The following LUC7L variants were observed in gnomAD, a reference collection of about 807,000 sequenced individuals.
LUC7L encodes LUC7 like, also known as putative RNA-binding protein Luc7-like 1.
Under a neutral mutation model 51.1 loss-of-function variants are expected in LUC7L, and 29 were observed. That is an observed-to-expected ratio of 0.57 (90% confidence interval 0.42 to 0.77). LUC7L has a LOEUF of 0.77. LUC7L is among the 30% of genes least tolerant of loss of function. LUC7L has a pLI of 0.00. For synonymous variants in LUC7L, 181 were observed against 180.7 expected, an observed-to-expected ratio of 1.00 and a Z score of -0.01; for missense variants, 403 against 511.9, an observed-to-expected ratio of 0.79 and a Z score of 2.05.
intron 2 of LUC7L, among the ~76,000 whole-genome samples, chr16:223,704 C>CT (rs1246493419): frequency 6.6e-5 from 10 of 151,702 alleles, no homozygotes. Context: ...GAGTCTCACT[C>CT]TGTCGCCCAG....
At chr16:193,428 A>G (rs1315347753) in intron 6 of LUC7L, among the ~76,000 whole-genome samples, 1 of 152,022 alleles carries the variant, frequency 6.6e-6, no homozygotes, top group Non-Finnish European at 1.5e-5. Context: ...TACAGGCATG[A>G]GCCACCGCGC....
At chr16:225,748 G>A (rs2050114342) in intron 2 of LUC7L, among the ~76,000 whole-genome samples, 1 of 151,010 alleles carries the variant, frequency 6.6e-6, no homozygotes, top group African/African-American at 2.4e-5. Flanking sequence ...GCCTCCCAAA[G>A]TACTGGGATT....
At chr16:191,127 AACATT>A (rs2048999489) in intron 7 of LUC7L, among the ~76,000 whole-genome samples, 3 of 152,192 alleles carry the variant, frequency 2.0e-5, no homozygotes, top group African/African-American at 7.2e-5. Flanking sequence ...GCAGCCCTGT[AACATT>A]ACAAGGGCCG....
intron 3 of LUC7L, 35 bp downstream of exon 3, chr16:220,614 G>T: frequency 6.8e-7 from 1 of 1,461,922 alleles, no homozygotes; most frequent in South Asian, 1.2e-5. Flanking sequence ...TGGGTTCTTC[G>T]CAGTAGGAAT....
intron 3 of LUC7L, chr16:208,734 A>G: frequency 1.6e-6 from 1 of 624,694 alleles, no homozygotes; most frequent in Non-Finnish European, 2.0e-6. Context: ...CCTACTATCT[A>G]AAGTAGCAGG....
At chr16:205,911 A>G in intron 5 of LUC7L, 93 bp downstream of exon 5, 1 of 1,453,550 alleles carries the variant, frequency 6.9e-7, no homozygotes, top group Non-Finnish European at 9.3e-7. Context: ...ATTTTTTAAA[A>G]AATGGGAGCA....
intron 3 of LUC7L, among the ~76,000 whole-genome samples, chr16:218,346 C>CT (rs1401778866): frequency 3.3e-5 from 5 of 152,186 alleles, no homozygotes; most frequent in African/African-American, 1.2e-4. Flanking sequence ...AGAATGGCAT[C>CT]AAACCCCTCT....
intron 5 of LUC7L, among the ~76,000 whole-genome samples, chr16:200,513 T>C (rs112733581): frequency 3.8e-4 from 57 of 150,024 alleles, no homozygotes; most frequent in Non-Finnish European, 6.4e-4. Context: ...GAGGTGGAGG[T>C]TGCAGTGAGC....
intron 2 of LUC7L, among the ~76,000 whole-genome samples, chr16:221,639 T>C (rs2049972315): frequency 6.6e-6 from 1 of 151,132 alleles, no homozygotes; most frequent in African/African-American, 2.4e-5. Context: ...GGAGGTGGAG[T>C]TTGCAGTGAG....
Position 199,244 on chromosome 16 carries a change from G to T in LUC7L, c.511-6C>A. 6.3e-7 allele frequency: 1 copy of T among 1,580,108 alleles called. No individual in the cohort carries two copies. On this transcript the variant is annotated splice_polypyrimidine_tract_variant and splice_region_variant and intron_variant, in intron 5 of 9. Coordinates refer to ENST00000293872, the MANE Select transcript of LUC7L (RefSeq NM_201412.3). The stretch of plus-strand genomic sequence containing the variant: ...ATGGAATTTCTGTATTCTTCCTGAA[G>T]AAGGAAAATGGAGAAATAAAAGTGA...
chr16:199,272 T>C (rs2049251424), intron 5 of LUC7L, 34 bp from the exon 6 acceptor site: 1 of 1,383,978 alleles, frequency 7.2e-7, no homozygotes, highest in Non-Finnish European at 1.0e-6. Context: ...AAAAGTGAGG[T>C]ATATAGAACT....
chr16:208,998 A>G (rs2049562078), intron 3 of LUC7L: 1 of 151,716 alleles, frequency 6.6e-6, no homozygotes, highest in African/African-American at 2.4e-5. Context: ...GTTCAAGACC[A>G]GTCTAGCCAA....
At position 199,179 on chromosome 16, in the gene LUC7L, G is replaced by A. The variant is rs143314496; in HGVS notation, c.570C>T (p.Cys190=). 3.2e-4 allele frequency: 523 copies of A among 1,610,784 alleles called. No homozygotes were observed. Among genetic ancestry groups the A allele is most frequent in the Non-Finnish European group, 4.1e-4 (488 of 1,177,314 alleles). Residue 190 remains cysteine, a synonymous_variant, in exon 6 of 10, where the codon TGC becomes TGT. Transcript: ENST00000293872. ...SSFQQQKLRV[C]EVCSAYLGLH... is the part of the protein sequence containing the mutation. The stretch of plus-strand genomic sequence containing the variant: ...GACCAAGGTAGGCTGAACAGACCTC[G>A]CAGACACGCAGCTTTTGCTGCTGAA...
chr16:195,458 C>G (rs759720840), intron 6 of LUC7L, among the ~76,000 whole-genome samples: 1 of 152,060 alleles, frequency 6.6e-6, no homozygotes, highest in Non-Finnish European at 1.5e-5. Flanking sequence ...AAAAAATCCT[C>G]TGTTGTCTAG....
chr16:224,917 G>A (rs1269995216), intron 2 of LUC7L, among the ~76,000 whole-genome samples: 6 of 152,102 alleles, frequency 3.9e-5, no homozygotes, highest in Non-Finnish European at 7.4e-5. Flanking sequence ...TAAGCACACT[G>A]AGGATAGGCT....
chr16:205,861 T>C, intron 5 of LUC7L, 143 bp downstream of exon 5: 1 of 915,536 alleles, frequency 1.1e-6, no homozygotes, highest in Non-Finnish European at 1.7e-6. Context: ...AGTGCTGGGA[T>C]GACAGGCGTG....
chr16:229,208 G>A, intron 1 of LUC7L, 71 bp downstream of exon 1: 2 of 1,506,602 alleles, frequency 1.3e-6, no homozygotes, highest in Middle Eastern at 2.3e-4. Flanking sequence ...CGCGGCCCCC[G>A]CCTCAGGCCG....
rs963715741 is a variant in LUC7L at position 208,183 on chromosome 16, C to T, written c.261G>A (p.Met87Ile). The T allele has an allele frequency of 6.2e-7, 1 of 1,606,624 alleles. No individual in the cohort carries two copies. The highest frequency in any genetic ancestry group is 1.3e-5 in the African/African-American group (1 of 74,870). The change falls in exon 4 of 10, where the codon ATG becomes ATA. Residue 87 changes from methionine (M) to isoleucine (I), a missense_variant. Met to Ile is a conservative substitution (Grantham distance 10). Coordinates refer to ENST00000293872, the MANE Select transcript of LUC7L (RefSeq NM_201412.3). The part of the protein sequence containing the change: ...ERDLFFELDA[M>I]DHLESFIAEC... Reference sequence around the variant, plus strand: ...CAGCAATAAAGGACTCCAAGTGATCCATTGCCTAGCACGGGAAAAGCACAG... The same window carrying T: ...CAGCAATAAAGGACTCCAAGTGATCTATTGCCTAGCACGGGAAAAGCACAG...
At chr16:225,387 G>A (rs2050101400) in intron 2 of LUC7L, among the ~76,000 whole-genome samples, 2 of 151,524 alleles carry the variant, frequency 1.3e-5, no homozygotes, top group Non-Finnish European at 2.9e-5. Context: ...TCGGGAGGCT[G>A]AGGCAAGAGA....
Sources: allele counts gnomAD v4.1 joint callset (sites outside exome capture counted in the v4.1 genomes callset), GRCh38; gene constraint gnomAD v4.1.1; transcripts MANE v1.5; gene names NCBI Gene and HGNC (gene_info 2026-07-23, HGNC 2026-07-21).